The following GABRA2 variants were observed in gnomAD, a reference collection of about 807,000 sequenced individuals.
The protein encoded by GABRA2 is gamma-aminobutyric acid receptor subunit alpha-2.
GABRA2 carries 16 observed loss-of-function variants against 48.7 expected under a neutral mutation model. The ratio of observed to expected loss-of-function variants is 0.33; its 90% CI spans 0.22 to 0.50. The LOEUF is 0.50. GABRA2 is among the 20% of genes least tolerant of loss of function. GABRA2 has a pLI of 0.98. For synonymous variants in GABRA2, 185 were observed against 184.5 expected (o/e 1.00, Z -0.02); for missense variants, 275 against 535.6 (o/e 0.51, Z 4.80).
chr4:46,339,399 G>A (rs1042313308), intron 3 of GABRA2, among the ~76,000 whole-genome samples: 1 of 151,766 alleles, frequency 6.6e-6, no homozygotes, highest in African/African-American at 2.4e-5. Flanking sequence ...CATGAAGACT[G>A]GGGTTTTGTT....
At chr4:46,282,779 A>C (rs1161407438) in intron 8 of GABRA2, among the ~76,000 whole-genome samples, 1 of 152,246 alleles carries the variant, frequency 6.6e-6, no homozygotes, top group Non-Finnish European at 1.5e-5. Flanking sequence ...CAATAATAAT[A>C]ATAGCAAATA....
At chr4:46,301,979 A>G (rs773045807) in intron 8 of GABRA2, among the ~76,000 whole-genome samples, 1 of 152,172 alleles carries the variant, frequency 6.6e-6, no homozygotes, top group Non-Finnish European at 1.5e-5. Context: ...AAAAGCAGTA[A>G]CCAAATTCCT....
chr4:46,352,298 T>G (rs1037597468), intron 3 of GABRA2, among the ~76,000 whole-genome samples: 4 of 151,974 alleles, frequency 2.6e-5, no homozygotes, highest in African/African-American at 7.2e-5. Context: ...GCTCTCCTGT[T>G]TGGAATTGGC....
At chr4:46,252,631 T>C (rs528065086) in intron 9 of GABRA2, among the ~76,000 whole-genome samples, 141 of 151,622 alleles carry the variant, frequency 9.3e-4, no homozygotes, top group African/African-American at 2.7e-3. Context: ...CTGAGGAAGC[T>C]GTTTGAGACA....
At chr4:46,310,073 T>C (rs1443359578) in intron 6 of GABRA2, 100 bp downstream of exon 6, 2 of 765,494 alleles carry the variant, frequency 2.6e-6, no homozygotes, top group East Asian at 5.0e-5. Context: ...CAATTGTCAA[T>C]CATCTCATAA....
chr4:46,298,258 G>T (rs1478119721), intron 8 of GABRA2, among the ~76,000 whole-genome samples: 2 of 151,858 alleles, frequency 1.3e-5, no homozygotes, highest in African/African-American at 2.4e-5. Context: ...GTGTTTTCTT[G>T]TTTCCCAATT....
chr4:46,271,198 C>T (rs1313756451), intron 8 of GABRA2, among the ~76,000 whole-genome samples: 1 of 151,898 alleles, frequency 6.6e-6, no homozygotes, highest in Non-Finnish European at 1.5e-5. Flanking sequence ...TTGTTTGATA[C>T]CACCTGCTGG....
At chr4:46,355,922 ACTC>A (rs1735887729) in intron 3 of GABRA2, among the ~76,000 whole-genome samples, 1 of 151,982 alleles carries the variant, frequency 6.6e-6, no homozygotes, top group African/African-American at 2.4e-5. Flanking sequence ...TAGTCAAAAC[ACTC>A]TTGTTTATAT....
intron 8 of GABRA2, among the ~76,000 whole-genome samples, chr4:46,296,368 T>G (rs1724688123): frequency 6.6e-6 from 1 of 152,242 alleles, no homozygotes; most frequent in Middle Eastern, 3.4e-3. Context: ...TCCTTTGAAC[T>G]AGAAGTTAAG....
chr4:46,273,538 A>ATATAT (rs1560460626), intron 8 of GABRA2, among the ~76,000 whole-genome samples: 33 of 22,120 alleles, frequency 1.5e-3, no homozygotes, highest in African/African-American at 5.9e-3. Flanking sequence ...TATATATATG[A>ATATAT]GAGAGAGAGG....
intron 3 of GABRA2, among the ~76,000 whole-genome samples, chr4:46,374,725 A>G (rs1360065644): frequency 6.6e-6 from 1 of 152,064 alleles, no homozygotes; most frequent in Non-Finnish European, 1.5e-5. Flanking sequence ...TGACTACTAT[A>G]TGCATACTTA....
At chr4:46,274,537 A>G (rs1720108441) in intron 8 of GABRA2, among the ~76,000 whole-genome samples, 1 of 152,092 alleles carries the variant, frequency 6.6e-6, no homozygotes, top group South Asian at 2.1e-4. Context: ...GGCAGGCAAG[A>G]GTTTGAATTC....
intron 4 of GABRA2, among the ~76,000 whole-genome samples, chr4:46,324,629 A>G (rs1174999993): frequency 6.6e-6 from 1 of 151,694 alleles, no homozygotes; most frequent in East Asian, 1.9e-4. Context: ...TTACACAACT[A>G]GATTGCATGT....
chr4:46,268,843 A>G (rs1457735162), intron 8 of GABRA2, among the ~76,000 whole-genome samples: 1 of 151,920 alleles, frequency 6.6e-6, no homozygotes, highest in Non-Finnish European at 1.5e-5. Flanking sequence ...TGTACAATGG[A>G]AAAGTATTAG....
intron 5 of GABRA2, among the ~76,000 whole-genome samples, chr4:46,311,969 C>T (rs1279382895): frequency 3.3e-5 from 5 of 152,078 alleles, no homozygotes; most frequent in African/African-American, 7.2e-5. Context: ...CATGGTGGCA[C>T]GTGCCTGTAG....
intron 8 of GABRA2, among the ~76,000 whole-genome samples, chr4:46,291,697 G>T (rs7656097): frequency 0.084 from 12,683 of 151,454 alleles, 1,735 homozygotes; most frequent in African/African-American, 0.29. Flanking sequence ...TGGCTTCATT[G>T]CTCCTCAGCT....
chr4:46,311,183 A>G (rs533471670), intron 5 of GABRA2, among the ~76,000 whole-genome samples: 1 of 152,332 alleles, frequency 6.6e-6, no homozygotes, highest in South Asian at 2.1e-4. Flanking sequence ...GGGGCATTGC[A>G]TCTGAATATA....
chr4:46,331,157 A>G (rs2109805284), intron 4 of GABRA2, among the ~76,000 whole-genome samples: 1 of 152,310 alleles, frequency 6.6e-6, no homozygotes, highest in South Asian at 2.1e-4. Context: ...CTTGTACCAG[A>G]ATTGTGCCTA....
chr4:46,323,404 C>CT (rs3836615), intron 4 of GABRA2, among the ~76,000 whole-genome samples: 4 of 151,564 alleles, frequency 2.6e-5, no homozygotes, highest in Non-Finnish European at 4.4e-5. Context: ...TCTCAGATAT[C>CT]TTTTTTTTCC....
Sources: allele counts gnomAD v4.1 joint callset (sites outside exome capture counted in the v4.1 genomes callset), GRCh38; gene constraint gnomAD v4.1.1; transcripts MANE v1.5; gene names NCBI Gene and HGNC (gene_info 2026-07-23, HGNC 2026-07-21).